Variants in IGSF21 observed in about 807,000 individuals in gnomAD.
The protein encoded by IGSF21 is immunoglobulin superfamily member 21.
A neutral mutation model predicts 46.8 loss-of-function variants in IGSF21; 28 were observed. That is an observed-to-expected ratio of 0.60 (90% CI 0.44 to 0.82). The LOEUF is 0.82. Ranked by LOEUF, IGSF21 falls within the 40% of genes least tolerant of loss-of-function variation. IGSF21 has a pLI of 0.00. For synonymous variants in IGSF21, 284 were observed against 273.6 expected, an observed-to-expected ratio of 1.04 and a Z score of -0.38; for missense variants, 624 against 665.5, an observed-to-expected ratio of 0.94 and a Z score of 0.69.
At chr1:18,358,671 G>T (rs1261188330) in intron 4 of IGSF21, among the ~76,000 whole-genome samples, 1 of 152,246 alleles carries the variant, frequency 6.6e-6, no homozygotes, top group Non-Finnish European at 1.5e-5. Context: ...CAGCTGATAT[G>T]TATTGGGTGC....
chr1:18,307,585 T>A (rs2085439715), intron 3 of IGSF21, among the ~76,000 whole-genome samples: 1 of 152,172 alleles, frequency 6.6e-6, no homozygotes, highest in Non-Finnish European at 1.5e-5. Flanking sequence ...GGGTGAAAAC[T>A]CAGCAACAGG....
chr1:18,257,505 C>T (rs1047904744), intron 2 of IGSF21, among the ~76,000 whole-genome samples: 15 of 152,222 alleles, frequency 9.9e-5, no homozygotes, highest in African/African-American at 1.4e-4. Context: ...GTGGAGGCTA[C>T]GGAGGCTCAG....
At chr1:18,351,604 A>G (rs1034374216) in intron 4 of IGSF21, among the ~76,000 whole-genome samples, 1 of 152,056 alleles carries the variant, frequency 6.6e-6, no homozygotes, top group African/African-American at 2.4e-5. Context: ...GTGCTCTGCT[A>G]CTGGCCAGTT....
Position 18,367,601 on chromosome 1 carries a change from CT to C in IGSF21, c.1015+1905del, listed in dbSNP as rs1230945491. ...TGGACCTTTGATATTCTCTCTCTCT[CT>C]CTTTTTTTTTTTTTTTTTTTTTTGA... On this transcript the variant is annotated intron_variant, in intron 6 of 9. Coordinates refer to ENST00000251296, the MANE Select transcript of IGSF21 (RefSeq NM_032880.5). Among the ~76,000 whole-genome samples, 642 of 72,490 alleles carry C rather than the reference CT, an allele frequency of 8.9e-3. 5 individuals are homozygous for C. Among genetic ancestry groups the C allele is most frequent in the African/African-American group, 0.026 (603 of 23,200 alleles). 47.6% of individuals were successfully genotyped at this position (72,490 alleles called of 152,430 possible). A position where few individuals can be genotyped will look rare whatever the true frequency, so the allele number is the denominator to read the frequency against.
intron 1 of IGSF21, among the ~76,000 whole-genome samples, chr1:18,143,528 C>A (rs1425995501): frequency 6.6e-6 from 1 of 152,154 alleles, no homozygotes; most frequent in African/African-American, 2.4e-5. Context: ...TCCTCGCTTT[C>A]CTTGTCAGTG....
intron 1 of IGSF21, among the ~76,000 whole-genome samples, chr1:18,184,663 G>T (rs1443887109): frequency 1.3e-5 from 2 of 152,040 alleles, no homozygotes; most frequent in African/African-American, 4.8e-5. Flanking sequence ...AACAACCCAA[G>T]CTTTTGTGGG....
intron 9 of IGSF21, among the ~76,000 whole-genome samples, chr1:18,377,673 C>A (rs1198469569): frequency 6.6e-6 from 1 of 152,192 alleles, no homozygotes; most frequent in African/African-American, 2.4e-5. Flanking sequence ...CAACTCTGCC[C>A]CATCTCACCA....
chr1:18,149,397 C>T (rs2086500519), intron 1 of IGSF21, among the ~76,000 whole-genome samples: 6 of 152,168 alleles, frequency 3.9e-5, no homozygotes, highest in Admixed American at 3.9e-4. Flanking sequence ...GGGTGGCCAT[C>T]CCGGCACGGT....
At chr1:18,230,425 T>A (rs1296634462) in intron 2 of IGSF21, among the ~76,000 whole-genome samples, 1 of 152,186 alleles carries the variant, frequency 6.6e-6, no homozygotes, top group Non-Finnish European at 1.5e-5. Flanking sequence ...TTTATTTTAT[T>A]TCATTTCACA....
intron 1 of IGSF21, among the ~76,000 whole-genome samples, chr1:18,171,430 T>C (rs1036375119): frequency 6.6e-6 from 1 of 152,052 alleles, no homozygotes; most frequent in Non-Finnish European, 1.5e-5. Context: ...CCACGATTCC[T>C]GGCAAGGGCT....
At chr1:18,185,615 G>A (rs1389690167) in intron 1 of IGSF21, among the ~76,000 whole-genome samples, 1 of 152,200 alleles carries the variant, frequency 6.6e-6, no homozygotes, top group Non-Finnish European at 1.5e-5. Context: ...TGGTGTTAAA[G>A]ATAGATTTTG....
At chr1:18,157,072 C>T (rs563706916) in intron 1 of IGSF21, among the ~76,000 whole-genome samples, 4 of 151,990 alleles carry the variant, frequency 2.6e-5, no homozygotes, top group East Asian at 1.9e-4. Flanking sequence ...TGCAGAGAGC[C>T]GAGATTGCAC....
intron 3 of IGSF21, among the ~76,000 whole-genome samples, chr1:18,297,802 A>ATTG (rs2085326111): frequency 1.4e-5 from 2 of 147,734 alleles, no homozygotes; most frequent in Admixed American, 1.3e-4. Context: ...TATTATTTAT[A>ATTG]TTGTTGCATT....
intron 1 of IGSF21, among the ~76,000 whole-genome samples, chr1:18,139,384 G>T (rs2086395112): frequency 1.3e-5 from 2 of 152,150 alleles, no homozygotes; most frequent in Non-Finnish European, 2.9e-5. Flanking sequence ...GGCCAGTTGG[G>T]TTCCTGAGCA....
chr1:18,238,503 G>T (rs899208081), intron 2 of IGSF21, among the ~76,000 whole-genome samples: 1 of 152,108 alleles, frequency 6.6e-6, no homozygotes, highest in African/African-American at 2.4e-5. Flanking sequence ...GAAGGGGAGC[G>T]GTTTTTGACC....
intron 1 of IGSF21, among the ~76,000 whole-genome samples, chr1:18,135,516 G>GT (rs1056066394): frequency 4.0e-5 from 6 of 151,406 alleles, no homozygotes; most frequent in Non-Finnish European, 2.9e-5. Flanking sequence ...GCGGTGTTTG[G>GT]TTTTTTGTCC....
intron 2 of IGSF21, among the ~76,000 whole-genome samples, chr1:18,228,318 C>G (rs2084590364): frequency 6.6e-6 from 1 of 152,162 alleles, no homozygotes. Flanking sequence ...ACAGTGTAAT[C>G]ACAAGTGATA....
intron 3 of IGSF21, among the ~76,000 whole-genome samples, chr1:18,296,384 C>A (rs2085312457): frequency 6.6e-6 from 1 of 151,996 alleles, no homozygotes; most frequent in Non-Finnish European, 1.5e-5. Flanking sequence ...AAATGAAGAC[C>A]CACAGAAGTG....
intron 1 of IGSF21, among the ~76,000 whole-genome samples, chr1:18,224,473 C>T (rs2084541991): frequency 6.6e-6 from 1 of 152,170 alleles, no homozygotes; most frequent in South Asian, 2.1e-4. Flanking sequence ...CTTCACTCTG[C>T]TTTGCTTTTC....
Sources: gnomAD v4.1 joint callset for allele counts (sites outside exome capture counted in the v4.1 genomes callset) on GRCh38, gnomAD v4.1.1 for gene constraint, MANE v1.5 for transcripts, NCBI Gene and HGNC (gene_info 2026-07-23, HGNC 2026-07-21) for gene names.